VGLL4: variants seen among roughly 807,000 people sequenced by gnomAD.
VGLL4 encodes vestigial like family member 4.
A neutral mutation model predicts 21.0 loss-of-function variants in VGLL4; 7 were observed. The ratio of observed to expected loss-of-function variants is 0.33; its 90% CI spans 0.19 to 0.63. The LOEUF (loss-of-function observed/expected upper bound fraction) is 0.63. Among genes scored for constraint, VGLL4 ranks in the 20% least tolerant of loss-of-function variants. VGLL4 has a pLI of 0.78. For missense variants in VGLL4, 394 were observed against 425.7 expected, an observed-to-expected ratio of 0.93 and a Z score of 0.66; for synonymous variants, 222 against 173.2, an observed-to-expected ratio of 1.28 and a Z score of -2.21.
At chr3:11,704,508 TAAAC>T (rs1409011001) in intron 1 of VGLL4, among the ~76,000 whole-genome samples, 1 of 148,636 alleles carries the variant, frequency 6.7e-6, no homozygotes, top group East Asian at 2.0e-4. Context: ...GCGGGAAAAA[TAAAC>T]AAAGCCCAGT....
chr3:11,558,886 G>A lies in VGLL4; in HGVS notation c.620-59C>T, dbSNP rs1399860546. The A allele has an allele frequency of 4.4e-6, 7 of 1,578,036 alleles. No homozygotes were observed. The Admixed American group carries it at 6.8e-5, about 15-fold the overall frequency. The stretch of plus-strand genomic sequence containing the variant: ...CAGGTGGCTGCAGACAGACAGGCAC[G>A]GTTGCAGCACCCTCCCTCAGGCAGC... On this transcript the variant is annotated intron_variant, in intron 4 of 4. Transcript: ENST00000430365.
chr3:11,689,102 G>C (rs974726045), intron 2 of VGLL4, among the ~76,000 whole-genome samples: 2 of 152,046 alleles, frequency 1.3e-5, no homozygotes, highest in Non-Finnish European at 2.9e-5. Flanking sequence ...CAAAATTTCA[G>C]CACAATGAAC....
chr3:11,627,228 A>ACTCTCTCTCTCTCTCTCT (rs1412462202), intron 1 of VGLL4: 24 of 123,456 alleles, frequency 1.9e-4, no homozygotes, highest in African/African-American at 8.6e-4. Context: ...ACACACACAC[A>ACTCTCTCTCTCTCTCTCT]CACTCTCTCT....
intron 1 of VGLL4, among the ~76,000 whole-genome samples, chr3:11,708,259 A>G (rs2076789352): frequency 6.6e-6 from 1 of 152,238 alleles, no homozygotes; most frequent in East Asian, 1.9e-4. Flanking sequence ...ATGACAGTAA[A>G]TGTACTGAAA....
chr3:11,681,795 G>T (rs1230765787), intron 2 of VGLL4, among the ~76,000 whole-genome samples: 1 of 152,206 alleles, frequency 6.6e-6, no homozygotes, highest in East Asian at 1.9e-4. Flanking sequence ...ATGCAAAGGA[G>T]CCAGCGAGTA....
intron 2 of VGLL4, among the ~76,000 whole-genome samples, chr3:11,676,147 G>A (rs2076286238): frequency 6.6e-6 from 1 of 152,138 alleles, no homozygotes; most frequent in Non-Finnish European, 1.5e-5. Context: ...CAGCACTTTG[G>A]GAGGCTGAGG....
At chr3:11,663,222 T>C (rs980965747) in intron 2 of VGLL4, among the ~76,000 whole-genome samples, 2 of 152,158 alleles carry the variant, frequency 1.3e-5, no homozygotes, top group Non-Finnish European at 2.9e-5. Context: ...CAGACCTGAC[T>C]CTACAGTGAT....
intron 2 of VGLL4, among the ~76,000 whole-genome samples, chr3:11,655,798 G>A (rs898487366): frequency 6.6e-6 from 1 of 152,184 alleles, no homozygotes; most frequent in African/African-American, 2.4e-5. Flanking sequence ...TGCCCTCAGA[G>A]GACGCAGGCA....
At chr3:11,563,392 C>T (rs1364387408) in intron 3 of VGLL4, among the ~76,000 whole-genome samples, 2 of 152,262 alleles carry the variant, frequency 1.3e-5, no homozygotes, top group Non-Finnish European at 2.9e-5. Flanking sequence ...CTGCCCACCC[C>T]GGGGAGCAGT....
intron 1 of VGLL4, among the ~76,000 whole-genome samples, chr3:11,713,526 G>C (rs1017667260): frequency 6.8e-6 from 1 of 147,314 alleles, no homozygotes; most frequent in East Asian, 2.0e-4. Context: ...ATATCTTCAT[G>C]TTCTATATCT....
At chr3:11,564,662 A>ATCCCTCACCATCTCCC in intron 3 of VGLL4, 135 bp downstream of exon 3, 2 of 935,864 alleles carry the variant, frequency 2.1e-6, no homozygotes, top group Non-Finnish European at 3.2e-6. Flanking sequence ...GAAGGGTGGC[A>ATCCCTCACCATCTCCC]TCCCTCACCA....
chr3:11,630,319 T>G (rs1391178109), intron 1 of VGLL4, among the ~76,000 whole-genome samples: 2 of 152,204 alleles, frequency 1.3e-5, no homozygotes, highest in Non-Finnish European at 2.9e-5. Context: ...ACTGAAATTT[T>G]ACAAGTTGGC....
chr3:11,566,243 G>T (rs980823669), intron 2 of VGLL4, among the ~76,000 whole-genome samples: 2 of 151,836 alleles, frequency 1.3e-5, no homozygotes, highest in Admixed American at 1.3e-4. Flanking sequence ...ACACACACAC[G>T]CATGTGATAG....
intron 3 of VGLL4, 158 bp downstream of exon 3, chr3:11,564,639 G>T: frequency 1.2e-6 from 1 of 838,274 alleles, no homozygotes; most frequent in Non-Finnish European, 1.8e-6. Context: ...TGTCCCAAGT[G>T]CACAACAGAG....
At chr3:11,613,820 G>C (rs996058492) in intron 1 of VGLL4, among the ~76,000 whole-genome samples, 6 of 152,184 alleles carry the variant, frequency 3.9e-5, no homozygotes, top group Non-Finnish European at 5.9e-5. Flanking sequence ...ATTCCCATTT[G>C]AAGGATAAGA....
chr3:11,573,291 GAAAGAAAGAAAGAAAGGAAGGAAGGA>G (rs2073883747), intron 2 of VGLL4, among the ~76,000 whole-genome samples: 12 of 10,914 alleles, frequency 1.1e-3, no homozygotes, highest in African/African-American at 1.5e-3. Flanking sequence ...AAGAAAGAAA[GAAAGAAAGAAAGAAAGGAAGGAAGGA>G]AGAAAGAAAG....
At chr3:11,600,085 T>C (rs1178516473) in intron 2 of VGLL4, among the ~76,000 whole-genome samples, 1 of 152,184 alleles carries the variant, frequency 6.6e-6, no homozygotes, top group Non-Finnish European at 1.5e-5. Flanking sequence ...AACCAGTATC[T>C]GAACAATGGA....
upstream of VGLL4, among the ~76,000 whole-genome samples, chr3:11,644,536 T>G (rs140201069): frequency 1.9e-3 from 290 of 152,248 alleles, 1 homozygote; most frequent in South Asian, 7.5e-3. Flanking sequence ...AAAGTGTTTT[T>G]TCCCACCTAA....
chr3:11,645,727 T>A (rs1037556687), upstream of VGLL4, among the ~76,000 whole-genome samples: 3 of 151,826 alleles, frequency 2.0e-5, no homozygotes, highest in African/African-American at 7.3e-5. Flanking sequence ...ATCCCAGCAC[T>A]CTGGGAGACT....
Sources: allele counts gnomAD v4.1 joint callset (sites outside exome capture counted in the v4.1 genomes callset), GRCh38; gene constraint gnomAD v4.1.1; transcripts MANE v1.5; gene names NCBI Gene and HGNC (gene_info 2026-07-23, HGNC 2026-07-21).